The following KIF14 variants were observed in gnomAD, a reference collection of about 807,000 sequenced individuals.
The protein encoded by KIF14 is kinesin family member 14, also known as kinesin-like protein KIF14.
KIF14 carries 98 observed loss-of-function variants against 176.2 expected under a neutral mutation model. That is an observed-to-expected ratio of 0.56 (90% CI 0.47 to 0.66). The LOEUF (loss-of-function observed/expected upper bound fraction) is 0.66, where lower values mean the gene tolerates loss of function less well. Among genes scored for constraint, KIF14 ranks in the 30% least tolerant of loss-of-function variants. The pLI is 0.00. For synonymous variants in KIF14, 566 were observed against 632.2 expected (o/e 0.90, Z 1.57); for missense variants, 1,751 against 1,920.4 (o/e 0.91, Z 1.65).
Position 200,593,788 on chromosome 1 carries a change from C to A in KIF14, c.2550-19G>T, listed in dbSNP as rs773662594. ...GATAGTACTGTTAAAATAAGAAGCACATAGTTAACAATTATAGAACACACT... is the reference window on the plus strand; with the variant it reads ...GATAGTACTGTTAAAATAAGAAGCAAATAGTTAACAATTATAGAACACACT... On this transcript the variant is annotated intron_variant, in intron 14 of 29. Transcript: ENST00000367350. 1 of 1,402,066 alleles carries A rather than the reference C, an allele frequency of 7.1e-7. No homozygotes were observed. The highest frequency in any genetic ancestry group is 1.4e-5 in the African/African-American group (1 of 70,532). The allele number at this position is 1,402,066 out of a possible 1,614,324, so 86.9% of individuals were successfully genotyped here.
At chr1:200,604,530 CAATA>C (rs746889940) in intron 8 of KIF14, among the ~76,000 whole-genome samples, 13 of 152,042 alleles carry the variant, frequency 8.6e-5, no homozygotes, top group African/African-American at 2.4e-4. Flanking sequence ...AAGGAAATAA[CAATA>C]AATAAAGAAA....
chr1:200,578,252 A>T (rs1658241115), intron 21 of KIF14, among the ~76,000 whole-genome samples: 1 of 151,898 alleles, frequency 6.6e-6, no homozygotes, highest in African/African-American at 2.4e-5. Context: ...GATTCCTTTC[A>T]TTGCTTTCCT....
At chr1:200,580,151 A>G (rs1465018811) in intron 21 of KIF14, 103 bp downstream of exon 21, 1 of 547,778 alleles carries the variant, frequency 1.8e-6, no homozygotes, top group Non-Finnish European at 2.8e-6. Flanking sequence ...TATGGAGAAT[A>G]TGTCACTTTT....
chr1:200,577,637 G>A (rs1658196195), intron 21 of KIF14, among the ~76,000 whole-genome samples: 2 of 151,548 alleles, frequency 1.3e-5, no homozygotes, highest in Admixed American at 6.6e-5. Flanking sequence ...GGAGACGGAG[G>A]TTGCAGTGAG....
intron 5 of KIF14, 116 bp downstream of exon 5, chr1:200,608,714 T>A (rs1212201683): frequency 2.5e-5 from 16 of 642,000 alleles, no homozygotes; most frequent in Non-Finnish European, 4.4e-5. Flanking sequence ...ATCCAAGCAT[T>A]TGCTTTCATA....
intron 14 of KIF14, among the ~76,000 whole-genome samples, chr1:200,597,888 A>C (rs1285460591): frequency 6.6e-6 from 1 of 152,214 alleles, no homozygotes; most frequent in East Asian, 1.9e-4. Flanking sequence ...AATTCACATA[A>C]AGTAACATTT....
At chr1:200,602,828 C>T (rs1659691124) in intron 10 of KIF14, among the ~76,000 whole-genome samples, 1 of 152,192 alleles carries the variant, frequency 6.6e-6, no homozygotes, top group African/African-American at 2.4e-5. Context: ...TTCAACTTCT[C>T]TTTATACAAC....
At chr1:200,580,113 G>A (rs558965056) in intron 21 of KIF14, 141 bp downstream of exon 21, 1 of 369,464 alleles carries the variant, frequency 2.7e-6, no homozygotes, top group African/African-American at 2.1e-5. Flanking sequence ...GTAATTGATA[G>A]ATTGCCTTTT....
chr1:200,572,502 G>C (rs939181569), intron 22 of KIF14, among the ~76,000 whole-genome samples: 1 of 151,890 alleles, frequency 6.6e-6, no homozygotes, highest in Non-Finnish European at 1.5e-5. Flanking sequence ...CCAACACCAC[G>C]CCCAGCTAAT....
At chr1:200,598,918 C>T (rs1659496528) in intron 13 of KIF14, among the ~76,000 whole-genome samples, 1 of 152,124 alleles carries the variant, frequency 6.6e-6, no homozygotes, top group African/African-American at 2.4e-5. Context: ...GACCTCCCTA[C>T]CTTCTTTGTC....
At chr1:200,556,239 T>C (rs1399741444) in intron 27 of KIF14, among the ~76,000 whole-genome samples, 1 of 152,196 alleles carries the variant, frequency 6.6e-6, no homozygotes, top group Non-Finnish European at 1.5e-5. Context: ...GGATTCTTTT[T>C]CAGTGTTTAA....
At chr1:200,554,401 A>G in intron 29 of KIF14, 67 bp downstream of exon 29, 2 of 1,108,182 alleles carry the variant, frequency 1.8e-6, no homozygotes, top group Non-Finnish European at 2.6e-6. Context: ...AAAAAAAAAA[A>G]GGAAAGATGT....
chr1:200,620,490 C>T lies in KIF14; in HGVS notation c.-195G>A, dbSNP rs995718927. 6.6e-6 allele frequency: 1 copy of T among 152,358 alleles called. No individual in the cohort carries two copies. Among genetic ancestry groups the T allele is most frequent in the Non-Finnish European group, 1.5e-5 (1 of 68,122 alleles). The allele number at this position is 152,358 out of a possible 1,614,324, so 9.4% of individuals were successfully genotyped here. A position where few individuals can be genotyped will look rare whatever the true frequency, so the allele number is the denominator to read the frequency against. On this transcript the variant is annotated 5_prime_UTR_variant, in exon 1 of 30. Transcript: ENST00000367350. ...GCCCTGAAGTCCGGCTTCCCGGTCC[C>T]AGCAGAGACGCTGCCTTGCGCCCTT...
chr1:200,618,163 G>A lies in KIF14; in HGVS notation c.561C>T (p.Val187=). Residue 187 remains valine, a synonymous_variant, in exon 2 of 30, where the codon GTC becomes GTT. Transcript: ENST00000367350. ...SSVPLDEDPQ[V]IEMMADKKYK... Reference sequence around the variant, plus strand: ...ATTTCTTATCAGCCATCATTTCAATGACCTGTGGATCTTCATCTAAAGGTA... The same window carrying A: ...ATTTCTTATCAGCCATCATTTCAATAACCTGTGGATCTTCATCTAAAGGTA... 6.2e-7 allele frequency: 1 copy of A among 1,613,860 alleles called. No individual in the cohort carries two copies.
At chr1:200,607,339 A>G (rs1352886509) in intron 5 of KIF14, among the ~76,000 whole-genome samples, 1 of 152,026 alleles carries the variant, frequency 6.6e-6, no homozygotes, top group Non-Finnish European at 1.5e-5. Context: ...GAGTTTCACC[A>G]TGTTGGCTAG....
intron 17 of KIF14, 44 bp downstream of exon 17, chr1:200,590,081 G>A (rs758511685): frequency 1.3e-6 from 2 of 1,566,486 alleles, no homozygotes; most frequent in South Asian, 1.2e-5. Flanking sequence ...ATCACTTGGG[G>A]TACACTGTCG....
At chr1:200,595,002 T>G (rs893055174) in intron 14 of KIF14, among the ~76,000 whole-genome samples, 19 of 152,162 alleles carry the variant, frequency 1.2e-4, no homozygotes, top group African/African-American at 4.1e-4. Context: ...CCCCACAATC[T>G]GGCTTCAACC....
chr1:200,602,937 G>A (rs1038429690), intron 10 of KIF14, among the ~76,000 whole-genome samples: 1 of 152,122 alleles, frequency 6.6e-6, no homozygotes, highest in Non-Finnish European at 1.5e-5. Context: ...TACATATTAT[G>A]TATTAAGAAT....
At chr1:200,615,320 C>T (rs751227509) in intron 3 of KIF14, 35 bp downstream of exon 3, 1 of 1,573,012 alleles carries the variant, frequency 6.4e-7, no homozygotes, top group Non-Finnish European at 8.6e-7. Flanking sequence ...TATATTTAAA[C>T]ACTTCTGGAT....
Sources: gnomAD v4.1 joint callset for allele counts (sites outside exome capture counted in the v4.1 genomes callset) on GRCh38, gnomAD v4.1.1 for gene constraint, MANE v1.5 for transcripts, NCBI Gene and HGNC (gene_info 2026-07-23, HGNC 2026-07-21) for gene names.